Variants in TEX36 observed in about 807,000 individuals in gnomAD.
TEX36 encodes the protein testis expressed 36.
TEX36 carries 12 observed loss-of-function variants against 13.6 expected under a neutral mutation model. The ratio of observed to expected loss-of-function variants is 0.88; its 90% CI spans 0.56 to 1.43. The LOEUF (loss-of-function observed/expected upper bound fraction) is 1.43, where lower values mean the gene tolerates loss of function less well. TEX36 is among the 40% of genes most tolerant of loss of function. The pLI is 0.00. For missense variants in TEX36, 224 were observed against 228.3 expected, an observed-to-expected ratio of 0.98 and a Z score of 0.12; for synonymous variants, 93 against 83.0, an observed-to-expected ratio of 1.12 and a Z score of -0.65.
At chr10:125,598,906 T>C (rs1846111277) in intron 3 of TEX36, among the ~76,000 whole-genome samples, 1 of 152,216 alleles carries the variant, frequency 6.6e-6, no homozygotes, top group Non-Finnish European at 1.5e-5. Context: ...TTGGTCCTGC[T>C]GGTTAACCAC....
At chr10:125,640,938 A>T (rs11244592) in intron 3 of TEX36, among the ~76,000 whole-genome samples, 2 of 151,466 alleles carry the variant, frequency 1.3e-5, no homozygotes, top group African/African-American at 4.9e-5. Context: ...TTAGCTCATC[A>T]TTTCAACCCT....
intron 3 of TEX36, among the ~76,000 whole-genome samples, chr10:125,586,655 A>AT (rs1565167266): frequency 4.0e-5 from 6 of 149,464 alleles, no homozygotes; most frequent in South Asian, 2.1e-4. Context: ...AAAAAAAAAA[A>AT]AATTAGCCAG....
chr10:125,643,606 G>C (rs1036674311), intron 3 of TEX36, among the ~76,000 whole-genome samples: 4 of 152,086 alleles, frequency 2.6e-5, no homozygotes, highest in Non-Finnish European at 5.9e-5. Context: ...GCCAGGCTTG[G>C]TGGCGGGTGC....
At chr10:125,582,527 A>T (rs915086484) in intron 3 of TEX36, among the ~76,000 whole-genome samples, 1 of 152,198 alleles carries the variant, frequency 6.6e-6, no homozygotes, top group Non-Finnish European at 1.5e-5. Flanking sequence ...GTGCCTACAG[A>T]TCCAAAGTGG....
downstream of TEX36, among the ~76,000 whole-genome samples, chr10:125,653,927 C>A (rs1048847170): frequency 1.3e-5 from 2 of 151,966 alleles, no homozygotes; most frequent in Non-Finnish European, 2.9e-5. Flanking sequence ...TATGATGGCA[C>A]CACTGCACTC....
intron 3 of TEX36, chr10:125,578,369 T>A (rs1845850784): frequency 6.6e-6 from 1 of 152,196 alleles, no homozygotes; most frequent in African/African-American, 2.4e-5. Flanking sequence ...CACACAAGGA[T>A]AGTGATTGAG....
At chr10:125,583,959 G>C (rs2133524606) in intron 3 of TEX36, among the ~76,000 whole-genome samples, 1 of 152,266 alleles carries the variant, frequency 6.6e-6, no homozygotes, top group Middle Eastern at 3.4e-3. Flanking sequence ...AATCTGTCAG[G>C]CCTGTGACTT....
intron 1 of TEX36, among the ~76,000 whole-genome samples, chr10:125,679,648 G>A (rs541040960): frequency 1.0e-3 from 159 of 152,298 alleles, no homozygotes; most frequent in Non-Finnish European, 1.9e-3. Context: ...GCTCCCAGCC[G>A]ATCCCGGCCA....
At chr10:125,663,650 T>C (rs1307458550) in intron 1 of TEX36, among the ~76,000 whole-genome samples, 1 of 152,248 alleles carries the variant, frequency 6.6e-6, no homozygotes, top group South Asian at 2.1e-4. Flanking sequence ...TGATGATTAG[T>C]GATGTTTAGC....
chr10:125,616,996 T>G (rs1273783400), downstream of TEX36, among the ~76,000 whole-genome samples: 1 of 152,262 alleles, frequency 6.6e-6, no homozygotes, highest in Non-Finnish European at 1.5e-5. Flanking sequence ...GTATTTAGGA[T>G]AGTTAGCTCT....
At chr10:125,672,164 T>C (rs1847243108) in intron 1 of TEX36, among the ~76,000 whole-genome samples, 1 of 152,204 alleles carries the variant, frequency 6.6e-6, no homozygotes, top group Admixed American at 6.5e-5. Flanking sequence ...TTTCTTGTCT[T>C]CTGCTAGCTT....
intron 3 of TEX36, among the ~76,000 whole-genome samples, chr10:125,580,212 G>T (rs537899839): frequency 1.3e-5 from 2 of 152,282 alleles, no homozygotes; most frequent in South Asian, 4.1e-4. Context: ...AACCATGAAA[G>T]GATCCCTTTA....
chr10:125,664,089 GA>G (rs1426416988), intron 1 of TEX36, among the ~76,000 whole-genome samples: 1 of 152,154 alleles, frequency 6.6e-6, no homozygotes, highest in East Asian at 1.9e-4. Flanking sequence ...GAGAACATGT[GA>G]AAAGTTTGCC....
rs192951364 is a variant in TEX36 at position 125,598,623 on chromosome 10, A to T, written c.265-21749T>A. On this transcript the variant is annotated intron_variant, in intron 3 of 3. Transcript: ENST00000532135. ...AGAAAGTCCATTCCTAGCATTCTCA[A>T]CATCTCTTCTGACTCTATATTTTGC... 3.8e-3 allele frequency among the ~76,000 whole-genome samples: 585 copies of T among 152,312 alleles called. 4 individuals carry two copies. Among genetic ancestry groups the T allele is most frequent in the Non-Finnish European group, 6.2e-3 (419 of 68,026 alleles).
intron 1 of TEX36, among the ~76,000 whole-genome samples, chr10:125,669,075 G>A (rs1480485165): frequency 6.6e-6 from 1 of 151,980 alleles, no homozygotes; most frequent in Non-Finnish European, 1.5e-5. Context: ...GGCAGATCAC[G>A]AGGTCAAGAG....
intron 1 of TEX36, among the ~76,000 whole-genome samples, chr10:125,669,480 CA>C (rs151234839): frequency 4.8e-4 from 66 of 138,324 alleles, no homozygotes; most frequent in East Asian, 1.0e-3. Context: ...AACTTTGTCT[CA>C]AAAAAAAAAA....
At chr10:125,591,327 T>A (rs1424279058) in intron 3 of TEX36, among the ~76,000 whole-genome samples, 1 of 152,172 alleles carries the variant, frequency 6.6e-6, no homozygotes, top group Non-Finnish European at 1.5e-5. Flanking sequence ...AGTTGGTGGA[T>A]GGTGAAAGTT....
exon 4 of TEX36, chr10:125,576,710 C>A (rs1845828244): frequency 6.5e-7 from 1 of 1,534,162 alleles, no homozygotes; most frequent in Non-Finnish European, 8.7e-7. Flanking sequence ...TTAGTCAGGA[C>A]TCTGGGGAAT....
intron 3 of TEX36, among the ~76,000 whole-genome samples, chr10:125,629,774 A>G (rs1288823591): frequency 2.0e-5 from 3 of 152,222 alleles, no homozygotes; most frequent in South Asian, 2.1e-4. Context: ...ATCCATCACC[A>G]TGATCAATAT....
Sources: allele counts gnomAD v4.1 joint callset (sites outside exome capture counted in the v4.1 genomes callset), GRCh38; gene constraint gnomAD v4.1.1; transcripts MANE v1.5; gene names NCBI Gene and HGNC (gene_info 2026-07-23, HGNC 2026-07-21).